Variants in KMT2C observed in about 807,000 individuals in gnomAD.
KMT2C encodes histone-lysine N-methyltransferase 2C.
A neutral mutation model predicts 507.9 loss-of-function variants in KMT2C; 88 were observed. The observed-to-expected ratio is 0.17, with a 90% CI of 0.15 to 0.21. The LOEUF is 0.21. KMT2C is among the 10% of genes least tolerant of loss of function. The pLI, the probability that KMT2C is intolerant of heterozygous loss-of-function variation, is 1.00. For synonymous variants in KMT2C, 2,049 were observed against 2,080.8 expected (o/e 0.98, Z 0.42); for missense variants, 4,954 against 5,957.8 (o/e 0.83, Z 5.55).
At chr7:152,141,198 C>G (rs1022769424) in intron 55 of KMT2C, among the ~76,000 whole-genome samples, 3 of 152,106 alleles carry the variant, frequency 2.0e-5, no homozygotes, top group Non-Finnish European at 4.4e-5. Context: ...TGAGATCATG[C>G]CACTGCACTC....
At chr7:152,353,361 T>C (rs1232799969) in intron 2 of KMT2C, among the ~76,000 whole-genome samples, 1 of 152,006 alleles carries the variant, frequency 6.6e-6, no homozygotes, top group South Asian at 2.1e-4. Context: ...GAGGCAGAGG[T>C]TGCAGTGAGC....
chr7:152,351,273 G>A (rs573278373), intron 2 of KMT2C, among the ~76,000 whole-genome samples: 9 of 152,278 alleles, frequency 5.9e-5, no homozygotes, highest in Admixed American at 2.6e-4. Flanking sequence ...TACTGTGCAA[G>A]AGTGTATGTA....
chr7:152,288,312 T>C (rs2096344535), intron 6 of KMT2C, among the ~76,000 whole-genome samples: 2 of 148,838 alleles, frequency 1.3e-5, no homozygotes, highest in South Asian at 2.1e-4. Flanking sequence ...GATGGGTGGA[T>C]CACCTGAGGT....
Position 152,181,311 on chromosome 7 carries a change from T to G in KMT2C, c.6549A>C (p.Pro2183=), listed in dbSNP as rs550245306. 3 of 1,613,708 alleles carry G rather than the reference T, an allele frequency of 1.9e-6. No homozygotes were observed. Among genetic ancestry groups the G allele is most frequent in the Admixed American group, 1.7e-5 (1 of 59,980 alleles). The part of the protein sequence containing the change: ...PYSQQPQTPR[P]STQTDLFVTP... ...TAACAAACAAGTCAGTTTGTGTAGA[T>G]GGTCTTGGGGTTTGGGGCTGCTGAC... The change falls in exon 36 of 59, where the codon CCA becomes CCC. Residue 2183 remains proline (P), a synonymous_variant. Coordinates refer to ENST00000262189, the MANE Select transcript of KMT2C (RefSeq NM_170606.3).
At chr7:152,255,807 T>A (rs2095651569) in intron 9 of KMT2C, among the ~76,000 whole-genome samples, 2 of 152,130 alleles carry the variant, frequency 1.3e-5, no homozygotes, top group Non-Finnish European at 2.9e-5. Context: ...AATAGCCAGT[T>A]GGAAAAAGAT....
intron 24 of KMT2C, among the ~76,000 whole-genome samples, chr7:152,206,068 T>A (rs2094300355): frequency 6.6e-6 from 1 of 152,296 alleles, no homozygotes; most frequent in South Asian, 2.1e-4. Flanking sequence ...TACTTCTCAA[T>A]GCCTCAGTTC....
chr7:152,182,200 G>C lies in KMT2C; in HGVS notation c.5660C>G (p.Ser1887Cys), dbSNP rs753735471. ...PSPQVFSPGSSNSRPPSPMDP... is the reference protein window; with the variant it reads ...PSPQVFSPGSCNSRPPSPMDP... ...CATTGGAGATGGTGGTCGTGAGTTA[G>C]AGGACCCAGGTGAAAACACTTGCGG... Residue 1887 changes from serine (S) to cysteine (C), a missense_variant, in exon 36 of 59, where the codon TCT becomes TGT. By Grantham distance (112) the Ser-to-Cys change is moderately radical. Transcript: ENST00000262189. 1.2e-6 allele frequency: 2 copies of C among 1,614,156 alleles called. No individual in the cohort carries two copies. The highest frequency in any genetic ancestry group is 1.1e-5 in the South Asian group (1 of 91,072).
At chr7:152,298,001 T>C (rs1200140688) in intron 6 of KMT2C, among the ~76,000 whole-genome samples, 3 of 151,546 alleles carry the variant, frequency 2.0e-5, no homozygotes, top group Admixed American at 6.6e-5. Flanking sequence ...ACAAAAACAT[T>C]TGAGATGAAA....
Position 152,162,479 on chromosome 7 carries a change from C to A in KMT2C, c.11098G>T (p.Ala3700Ser), listed in dbSNP as rs141417345. ...GAGAGCTTGTCTACTTCTGAATTTG[C>A]ATACGTCTGTTGATTTGGAGTTGCT... is the stretch of plus-strand genomic sequence containing the variant. ...SQATPNQQTY[A>S]NSEVDKLSME... is the part of the protein sequence containing the mutation. Residue 3700 changes from alanine (A) to serine (S), a missense_variant, in exon 43 of 59, where the codon GCA becomes TCA. Around this residue, in one of 29 missense-constraint regions of KMT2C, gnomAD observed 801 missense variants for 751.2 expected, o/e 1.07. Transcript: ENST00000262189. 1 of 1,614,244 alleles carries A rather than the reference C, an allele frequency of 6.2e-7. No individual in the cohort carries two copies. Among genetic ancestry groups the A allele is most frequent in the Admixed American group, 1.7e-5 (1 of 60,034 alleles).
At chr7:152,178,697 C>T (rs979480341) in intron 37 of KMT2C, among the ~76,000 whole-genome samples, 5 of 151,830 alleles carry the variant, frequency 3.3e-5, no homozygotes, top group African/African-American at 7.3e-5. Context: ...AGGCAACTTA[C>T]ACAAAATATA....
intron 4 of KMT2C, among the ~76,000 whole-genome samples, chr7:152,312,607 G>A (rs1318649570): frequency 6.6e-6 from 1 of 152,030 alleles, no homozygotes; most frequent in Admixed American, 6.5e-5. Flanking sequence ...AGCTACCAAA[G>A]GCATGTAGAA....
At chr7:152,203,166 TA>T in intron 25 of KMT2C, 102 bp from the exon 26 acceptor site, 1 of 855,238 alleles carries the variant, frequency 1.2e-6, no homozygotes, top group Non-Finnish European at 1.7e-6. Context: ...CAGTTTCATA[TA>T]AACAAACAAG....
chr7:152,388,750 C>CT (rs35457701), intron 1 of KMT2C, among the ~76,000 whole-genome samples: 23,317 of 146,972 alleles, frequency 0.16, 437 homozygotes, highest in African/African-American at 0.23. Context: ...ACTACTTAGA[C>CT]TTTTTTTTTT....
At chr7:152,139,408 T>C in intron 56 of KMT2C, 149 bp from the exon 57 acceptor site, 3 of 709,682 alleles carry the variant, frequency 4.2e-6, no homozygotes, top group Non-Finnish European at 7.2e-6. Context: ...ACAGATGACA[T>C]TTACATGGCA....
intron 6 of KMT2C, among the ~76,000 whole-genome samples, chr7:152,286,930 CTCAT>C (rs1370124308): frequency 6.6e-6 from 1 of 152,044 alleles, no homozygotes; most frequent in Non-Finnish European, 1.5e-5. Context: ...AGACAAAAAA[CTCAT>C]AGACAACAAC....
At chr7:152,350,231 G>A (rs556559185) in intron 2 of KMT2C, among the ~76,000 whole-genome samples, 25 of 152,226 alleles carry the variant, frequency 1.6e-4, no homozygotes, top group East Asian at 3.9e-4. Context: ...GCTTGGGCAA[G>A]AAGAGTGAAA....
rs1432874243 is a variant in KMT2C at position 152,177,828 on chromosome 7, G to A, written c.7625C>T (p.Ser2542Leu). 4 of 1,613,658 alleles carry A rather than the reference G, an allele frequency of 2.5e-6. No individual in the cohort carries two copies. In the Admixed American group the frequency reaches 5.0e-5, roughly 20 times the overall value. ...CTGCTGAACTGGCAAGCTCTGTGGTGAAAAATGCTGAGGAAGTCCAACTGG... is the reference window on the plus strand; with the variant it reads ...CTGCTGAACTGGCAAGCTCTGTGGTAAAAAATGCTGAGGAAGTCCAACTGG... The part of the protein sequence containing the change: ...NNPVGLPQHF[S>L]PQSLPVQQHN... Residue 2542 changes from serine to leucine, a missense_variant, in exon 38 of 59, where the codon TCA becomes TTA. Around this residue, in one of 29 missense-constraint regions of KMT2C, gnomAD observed 1,689 missense variants for 1,654.3 expected, o/e 1.02. Coordinates refer to ENST00000262189, the MANE Select transcript of KMT2C (RefSeq NM_170606.3).
intron 28 of KMT2C, 54 bp from the exon 29 acceptor site, chr7:152,194,622 A>T: frequency 7.2e-7 from 1 of 1,384,168 alleles, no homozygotes; most frequent in African/African-American, 1.4e-5. Flanking sequence ...CTCACACAAA[A>T]ATGTATAGCA....
chr7:152,356,631 C>T (rs1271400400), intron 2 of KMT2C, among the ~76,000 whole-genome samples: 1 of 151,586 alleles, frequency 6.6e-6, no homozygotes, highest in Non-Finnish European at 1.5e-5. Context: ...TGACTCACGC[C>T]TGTAATCTCA....
Sources: gnomAD v4.1 joint callset for allele counts (sites outside exome capture counted in the v4.1 genomes callset) on GRCh38, gnomAD v4.1.1 for gene constraint, gnomAD v4.1.1 regional missense constraint, MANE v1.5 for transcripts, NCBI Gene and HGNC (gene_info 2026-07-23, HGNC 2026-07-21) for gene names.